The following RBFOX1 variants were observed in gnomAD, a reference collection of about 807,000 sequenced individuals.
RBFOX1 encodes RNA binding protein fox-1 homolog 1.
Under a neutral mutation model 57.7 loss-of-function variants are expected in RBFOX1, and 8 were observed. The observed-to-expected ratio is 0.14, with a 90% CI of 0.08 to 0.25. The LOEUF (loss-of-function observed/expected upper bound fraction) is 0.25. Ranked by LOEUF, RBFOX1 falls within the 10% of genes least tolerant of loss-of-function variation. The pLI is 1.00. For missense variants in RBFOX1, 611 were observed against 548.5 expected, an observed-to-expected ratio of 1.11 and a Z score of -1.14; for synonymous variants, 326 against 222.4, an observed-to-expected ratio of 1.47 and a Z score of -4.15.
intron 4 of RBFOX1, among the ~76,000 whole-genome samples, chr16:7,148,092 C>T (rs1355178072): frequency 6.6e-6 from 1 of 152,202 alleles, no homozygotes; most frequent in Non-Finnish European, 1.5e-5. Flanking sequence ...AACCTAGTCA[C>T]AGCCAATCTC....
At chr16:5,743,686 C>G (rs1454833405) in intron 3 of RBFOX1, among the ~76,000 whole-genome samples, 1 of 152,114 alleles carries the variant, frequency 6.6e-6, no homozygotes, top group Non-Finnish European at 1.5e-5. Flanking sequence ...GCTAAGATCA[C>G]TTAAAACGAG....
intron 4 of RBFOX1, among the ~76,000 whole-genome samples, chr16:7,060,070 C>T (rs7205771): frequency 0.012 from 1,799 of 152,164 alleles, 29 homozygotes; most frequent in African/African-American, 0.041. Context: ...ATTCTCATTC[C>T]ACTTTAATCA....
intron 3 of RBFOX1, among the ~76,000 whole-genome samples, chr16:6,931,335 A>ATCTATCTATCTG (rs1392045619): frequency 9.4e-6 from 1 of 105,916 alleles, no homozygotes; most frequent in Non-Finnish European, 2.1e-5. Context: ...CTATCTATCT[A>ATCTATCTATCTG]TCTCTACACA....
intron 1 of RBFOX1, among the ~76,000 whole-genome samples, chr16:5,372,547 T>C (rs2065883891): frequency 6.6e-6 from 1 of 152,208 alleles, no homozygotes; most frequent in Non-Finnish European, 1.5e-5. Context: ...TGGCCTACAC[T>C]TCTGCTGGGA....
At chr16:6,913,857 G>C (rs2072383350) in intron 3 of RBFOX1, among the ~76,000 whole-genome samples, 1 of 152,170 alleles carries the variant, frequency 6.6e-6, no homozygotes, top group Admixed American at 6.5e-5. Context: ...TATTTTCAGG[G>C]AGGGCCAATC....
At chr16:5,899,779 C>G (rs12925721) in intron 4 of RBFOX1, among the ~76,000 whole-genome samples, 58,816 of 152,032 alleles carry the variant, frequency 0.39, 11,806 homozygotes, top group South Asian at 0.53. Context: ...GCTATGGCGA[C>G]AGTTCCTTTG....
At chr16:6,273,628 G>A (rs1237113672) in intron 1 of RBFOX1, among the ~76,000 whole-genome samples, 1 of 152,004 alleles carries the variant, frequency 6.6e-6, no homozygotes, top group Non-Finnish European at 1.5e-5. Context: ...TTATAGGCGT[G>A]AGCCACCATG....
chr16:7,332,885 G>A, intron 4 of RBFOX1: 1 of 1,563,110 alleles, frequency 6.4e-7, no homozygotes. Context: ...CTTGGCTCCT[G>A]ACAGAAGGGA....
intron 3 of RBFOX1, among the ~76,000 whole-genome samples, chr16:5,716,966 A>G (rs1422138394): frequency 6.6e-6 from 1 of 152,170 alleles, no homozygotes. Context: ...CCTTGACAGG[A>G]TAATGAGTTC....
At chr16:7,416,133 G>C (rs536217696) in intron 4 of RBFOX1, among the ~76,000 whole-genome samples, 1 of 152,266 alleles carries the variant, frequency 6.6e-6, no homozygotes, top group Non-Finnish European at 1.5e-5. Context: ...ATTCCATGGA[G>C]CTGTAATATT....
chr16:5,831,176 G>A (rs2056257706), intron 3 of RBFOX1, among the ~76,000 whole-genome samples: 1 of 152,142 alleles, frequency 6.6e-6, no homozygotes, highest in Admixed American at 6.5e-5. Context: ...ACCAATTCCA[G>A]TGTTGGAGGT....
At chr16:5,952,377 C>G (rs992488051) in intron 4 of RBFOX1, among the ~76,000 whole-genome samples, 10 of 152,066 alleles carry the variant, frequency 6.6e-5, no homozygotes, top group Non-Finnish European at 1.5e-4. Context: ...TCTCAAATTC[C>G]TGACCTCAAG....
intron 1 of RBFOX1, among the ~76,000 whole-genome samples, chr16:5,436,689 T>A (rs1029847410): frequency 1.4e-4 from 22 of 151,898 alleles, no homozygotes; most frequent in Non-Finnish European, 1.8e-4. Flanking sequence ...AATACAAAAA[T>A]TAGCTGGGTG....
chr16:6,939,647 G>T (rs1029036059), intron 3 of RBFOX1, among the ~76,000 whole-genome samples: 2 of 151,708 alleles, frequency 1.3e-5, no homozygotes, highest in African/African-American at 4.9e-5. Context: ...GAGTAGCTGC[G>T]ATTACAGCCG....
chr16:6,872,075 C>A (rs1196156621), intron 3 of RBFOX1, among the ~76,000 whole-genome samples: 1 of 151,980 alleles, frequency 6.6e-6, no homozygotes, highest in East Asian at 1.9e-4. Context: ...ACATACCCTT[C>A]TTTGTCTTTT....
At chr16:5,549,122 C>T (rs775171555) in intron 2 of RBFOX1, among the ~76,000 whole-genome samples, 7 of 152,198 alleles carry the variant, frequency 4.6e-5, no homozygotes, top group Admixed American at 6.5e-5. Flanking sequence ...CTATGAGCAG[C>T]TCACTGTACT....
chr16:5,776,345 AC>A (rs2054147881), intron 3 of RBFOX1, among the ~76,000 whole-genome samples: 1 of 152,142 alleles, frequency 6.6e-6, no homozygotes, highest in East Asian at 1.9e-4. Context: ...CTTTTTTGGC[AC>A]AGAGTTGTTT....
chr16:6,012,608 C>T (rs146044368), intron 4 of RBFOX1, among the ~76,000 whole-genome samples: 1 of 152,190 alleles, frequency 6.6e-6, no homozygotes, highest in Non-Finnish European at 1.5e-5. Context: ...GGCAATATGT[C>T]ATCTTCAACA....
intron 3 of RBFOX1, among the ~76,000 whole-genome samples, chr16:6,897,017 C>T (rs1259478751): frequency 6.6e-6 from 1 of 152,150 alleles, no homozygotes; most frequent in South Asian, 2.1e-4. Flanking sequence ...CGCACCTGTG[C>T]AGAGCTCCCT....
Sources: gnomAD v4.1 joint callset for allele counts (sites outside exome capture counted in the v4.1 genomes callset) on GRCh38, gnomAD v4.1.1 for gene constraint, MANE v1.5 for transcripts, NCBI Gene and HGNC (gene_info 2026-07-23, HGNC 2026-07-21) for gene names.